MOB3B: variants seen among roughly 807,000 people sequenced by gnomAD.
The protein encoded by MOB3B is MOB kinase activator 3B.
In MOB3B, 7 loss-of-function variants were observed where a neutral mutation model predicts 18.7. The observed-to-expected ratio is 0.37, with a 90% CI of 0.21 to 0.70. MOB3B has a LOEUF of 0.70. Ranked by LOEUF, MOB3B falls within the 30% of genes least tolerant of loss-of-function variation. The pLI, the probability that MOB3B is intolerant of heterozygous loss-of-function variation, is 0.52. For synonymous variants in MOB3B, 111 were observed against 99.9 expected (o/e 1.11, Z -0.66); for missense variants, 253 against 281.3 (o/e 0.90, Z 0.72).
intron 3 of MOB3B, among the ~76,000 whole-genome samples, 158 bp from the exon 4 acceptor site, chr9:27,330,774 CTGTT>C (rs10555560): frequency 0.19 from 28,045 of 148,684 alleles, 3,317 homozygotes; most frequent in African/African-American, 0.35. Context: ...TATGTTCCAT[CTGTT>C]TGTTCTGCAG....
At chr9:27,501,722 G>A (rs1925240) in intron 1 of MOB3B, among the ~76,000 whole-genome samples, 131,155 of 147,970 alleles carry the variant, frequency 0.89, 59,158 homozygotes, top group East Asian at 0.99. Flanking sequence ...AGCCAAGATC[G>A]CCCCACTGCA....
chr9:27,356,365 GC>G (rs1043043201), intron 3 of MOB3B, among the ~76,000 whole-genome samples: 2 of 152,080 alleles, frequency 1.3e-5, no homozygotes, highest in African/African-American at 4.8e-5. Context: ...TTTCTCCCAG[GC>G]CCCCAAAGAG....
At chr9:27,466,197 C>T (rs1819380750) in intron 1 of MOB3B, among the ~76,000 whole-genome samples, 1 of 152,196 alleles carries the variant, frequency 6.6e-6, no homozygotes, top group Non-Finnish European at 1.5e-5. Flanking sequence ...GAAATTTCTT[C>T]CGCCAGTTAC....
At chr9:27,526,116 C>T (rs1201397894) in intron 1 of MOB3B, 1 of 152,190 alleles carries the variant, frequency 6.6e-6, no homozygotes, top group Non-Finnish European at 1.5e-5. Context: ...GAAGCCATTT[C>T]CTGCTCATGC....
At chr9:27,371,499 G>A (rs1821414203) in intron 2 of MOB3B, among the ~76,000 whole-genome samples, 1 of 152,230 alleles carries the variant, frequency 6.6e-6, no homozygotes, top group South Asian at 2.1e-4. Context: ...GCGAAGGTAA[G>A]TTGAAGGGAT....
chr9:27,472,419 C>T (rs1288087049), intron 1 of MOB3B, among the ~76,000 whole-genome samples: 3 of 151,932 alleles, frequency 2.0e-5, no homozygotes. Flanking sequence ...GGCGAGGGCT[C>T]GCTTTATTTT....
intron 2 of MOB3B, among the ~76,000 whole-genome samples, chr9:27,416,767 T>A (rs940693297): frequency 2.6e-5 from 4 of 151,916 alleles, no homozygotes; most frequent in Non-Finnish European, 5.9e-5. Context: ...AACGTCTGGC[T>A]TTAAGTAATC....
chr9:27,431,582 T>C (rs1252032529), intron 2 of MOB3B, among the ~76,000 whole-genome samples: 4 of 152,198 alleles, frequency 2.6e-5, no homozygotes, highest in African/African-American at 7.2e-5. Context: ...TAAATATTCC[T>C]TGAGACCAAG....
intron 1 of MOB3B, among the ~76,000 whole-genome samples, chr9:27,516,515 T>G (rs902996002): frequency 6.6e-6 from 1 of 152,172 alleles, no homozygotes; most frequent in Non-Finnish European, 1.5e-5. Flanking sequence ...AGATCAACAA[T>G]GGCAAATAGA....
chr9:27,435,047 T>TTCTCTCTCTCTCTCTC (rs60408942), intron 2 of MOB3B, among the ~76,000 whole-genome samples: 1 of 145,892 alleles, frequency 6.9e-6, no homozygotes, highest in African/African-American at 2.5e-5. Context: ...TGTAAGGTGT[T>TTCTCTCTCTCTCTCTC]TCTCTCTCTC....
chr9:27,344,259 G>A (rs1285874719), intron 3 of MOB3B, among the ~76,000 whole-genome samples: 3 of 152,210 alleles, frequency 2.0e-5, no homozygotes, highest in Non-Finnish European at 4.4e-5. Context: ...GAGCATTAGT[G>A]CATGTTCATG....
At chr9:27,379,806 A>C (rs1447597534) in intron 2 of MOB3B, among the ~76,000 whole-genome samples, 1 of 152,214 alleles carries the variant, frequency 6.6e-6, no homozygotes, top group Non-Finnish European at 1.5e-5. Flanking sequence ...TCAAGGCATA[A>C]AGTCTAACTA....
intron 1 of MOB3B, among the ~76,000 whole-genome samples, chr9:27,469,494 C>T (rs575377743): frequency 5.3e-5 from 8 of 152,300 alleles, no homozygotes; most frequent in Non-Finnish European, 1.0e-4. Flanking sequence ...GATCCTGCTA[C>T]CCATTCCGTG....
At chr9:27,431,860 T>C (rs938652012) in intron 2 of MOB3B, among the ~76,000 whole-genome samples, 3 of 152,192 alleles carry the variant, frequency 2.0e-5, no homozygotes, top group Admixed American at 6.5e-5. Flanking sequence ...CCATTAAAAA[T>C]TGTATACAAC....
At chr9:27,487,591 G>A (rs1254980249) in intron 1 of MOB3B, among the ~76,000 whole-genome samples, 1 of 151,930 alleles carries the variant, frequency 6.6e-6, no homozygotes, top group East Asian at 1.9e-4. Context: ...GATGTACCAC[G>A]AGTAATAAAC....
intron 1 of MOB3B, among the ~76,000 whole-genome samples, chr9:27,483,072 G>A (rs1325645564): frequency 6.9e-6 from 1 of 145,420 alleles, no homozygotes; most frequent in Non-Finnish European, 1.5e-5. Flanking sequence ...AATACAAAGA[G>A]ATAAACATGA....
chr9:27,468,829 A>G (rs1171460659), intron 1 of MOB3B, among the ~76,000 whole-genome samples: 1 of 152,206 alleles, frequency 6.6e-6, no homozygotes, highest in East Asian at 1.9e-4. Flanking sequence ...GACAAAAGGA[A>G]TCTTTTCAGA....
At chr9:27,381,202 T>C (rs1399946106) in intron 2 of MOB3B, among the ~76,000 whole-genome samples, 1 of 152,132 alleles carries the variant, frequency 6.6e-6, no homozygotes, top group African/African-American at 2.4e-5. Flanking sequence ...TCGGTAGAAT[T>C]ACACTTGACA....
At chr9:27,459,027 A>T (rs1819237256) in intron 1 of MOB3B, among the ~76,000 whole-genome samples, 1 of 148,850 alleles carries the variant, frequency 6.7e-6, no homozygotes, top group Non-Finnish European at 1.5e-5. Context: ...CCCCATGTTT[A>T]AAGACAATGG....
Sources: gnomAD v4.1 joint callset for allele counts (sites outside exome capture counted in the v4.1 genomes callset) on GRCh38, gnomAD v4.1.1 for gene constraint, MANE v1.5 for transcripts, NCBI Gene and HGNC (gene_info 2026-07-23, HGNC 2026-07-21) for gene names.